B3GAT2: variants seen among roughly 807,000 people sequenced by gnomAD.
B3GAT2 encodes the protein beta-1,3-glucuronyltransferase 2.
A neutral mutation model predicts 27.8 loss-of-function variants in B3GAT2; 26 were observed. That is an observed-to-expected ratio of 0.93 (90% CI 0.68 to 1.30). The LOEUF (loss-of-function observed/expected upper bound fraction) is 1.30. Ranked by LOEUF, B3GAT2 falls within the 50% of genes most tolerant of loss-of-function variation. The pLI, the probability that B3GAT2 is intolerant of heterozygous loss-of-function variation, is 0.00. For missense variants in B3GAT2, 458 were observed against 459.0 expected, an observed-to-expected ratio of 1.00 and a Z score of 0.02; for synonymous variants, 218 against 195.1, an observed-to-expected ratio of 1.12 and a Z score of -0.98.
chr6:70,871,724 T>G (rs1257816187), intron 2 of B3GAT2, among the ~76,000 whole-genome samples: 1 of 151,788 alleles, frequency 6.6e-6, no homozygotes, highest in Admixed American at 6.6e-5. Flanking sequence ...TTCTCTAATC[T>G]AATAACTTCC....
At chr6:70,913,422 A>G (rs1174492971) in intron 1 of B3GAT2, among the ~76,000 whole-genome samples, 1 of 152,148 alleles carries the variant, frequency 6.6e-6, no homozygotes, top group Admixed American at 6.6e-5. Flanking sequence ...CAATAGTTTC[A>G]AAAAATGTCT....
chr6:70,877,217 C>G (rs947478537), intron 2 of B3GAT2, among the ~76,000 whole-genome samples: 1 of 152,140 alleles, frequency 6.6e-6, no homozygotes, highest in Non-Finnish European at 1.5e-5. Context: ...ATGGGCCCCA[C>G]CGGGGGTGTT....
intron 1 of B3GAT2, among the ~76,000 whole-genome samples, chr6:70,939,098 T>C (rs999041426): frequency 9.9e-5 from 15 of 151,956 alleles, no homozygotes; most frequent in Non-Finnish European, 2.1e-4. Context: ...AGGACATGAA[T>C]AGACACTTCT....
At position 70,856,813 on chromosome 6, in the gene B3GAT2, G is replaced by T; in HGVS notation, c.*4850C>A. The T allele has an allele frequency of 1.3e-6, 2 of 1,523,798 alleles. No individual in the cohort carries two copies. Among genetic ancestry groups the T allele is most frequent in the Non-Finnish European group, 1.8e-6 (2 of 1,131,520 alleles). 94.4% of individuals were successfully genotyped at this position (1,523,798 alleles called of 1,614,324 possible). ...GGATTTTAAGTAATGGATAAGCTGCGCTTTACTATGCAGAATTTGATAGCT... is the reference window on the plus strand; with the variant it reads ...GGATTTTAAGTAATGGATAAGCTGCTCTTTACTATGCAGAATTTGATAGCT... On this transcript the variant is annotated 3_prime_UTR_variant, in exon 4 of 4. Coordinates refer to ENST00000230053, the MANE Select transcript of B3GAT2 (RefSeq NM_080742.3).
intron 2 of B3GAT2, among the ~76,000 whole-genome samples, chr6:70,889,007 T>C (rs1772238764): frequency 6.6e-6 from 1 of 152,210 alleles, no homozygotes. Flanking sequence ...CTCTGCTAGA[T>C]ACAAAACTCC....
chr6:70,886,432 G>A (rs1442591110), intron 2 of B3GAT2, among the ~76,000 whole-genome samples: 4 of 152,118 alleles, frequency 2.6e-5, no homozygotes, highest in Non-Finnish European at 5.9e-5. Context: ...CTGATAGAAA[G>A]GAAAACTTCA....
intron 1 of B3GAT2, among the ~76,000 whole-genome samples, chr6:70,899,910 A>G (rs2150034202): frequency 6.6e-6 from 1 of 152,366 alleles, no homozygotes; most frequent in Admixed American, 6.5e-5. Context: ...TCAGTATTTA[A>G]AAGCTTTGCT....
intron 1 of B3GAT2, among the ~76,000 whole-genome samples, chr6:70,928,996 A>G (rs1032676664): frequency 6.6e-6 from 1 of 152,204 alleles, no homozygotes; most frequent in Non-Finnish European, 1.5e-5. Context: ...TTAAGAAAAC[A>G]TGGCACATAT....
chr6:70,946,847 C>A (rs1206391931), intron 1 of B3GAT2, among the ~76,000 whole-genome samples: 1 of 150,780 alleles, frequency 6.6e-6, no homozygotes, highest in African/African-American at 2.4e-5. Context: ...CTCTCCTCAG[C>A]AAATGCAAAA....
intron 2 of B3GAT2, among the ~76,000 whole-genome samples, chr6:70,881,597 A>T (rs1772099674): frequency 6.6e-6 from 1 of 152,196 alleles, no homozygotes. Flanking sequence ...GGGCTGTGAT[A>T]GAGCCTTTCC....
At chr6:70,930,566 C>G (rs1021633745) in intron 1 of B3GAT2, among the ~76,000 whole-genome samples, 2 of 151,786 alleles carry the variant, frequency 1.3e-5, no homozygotes, top group Non-Finnish European at 2.9e-5. Context: ...AGACATGCAG[C>G]CAACAGACAC....
intron 1 of B3GAT2, among the ~76,000 whole-genome samples, chr6:70,938,656 G>A (rs1366995607): frequency 1.3e-5 from 2 of 152,048 alleles, no homozygotes; most frequent in East Asian, 1.9e-4. Flanking sequence ...AATGGGGAAA[G>A]GATTCCCTAT....
intron 1 of B3GAT2, among the ~76,000 whole-genome samples, chr6:70,949,016 G>T (rs562274143): frequency 1.8e-4 from 28 of 152,264 alleles, no homozygotes; most frequent in Non-Finnish European, 3.7e-4. Flanking sequence ...TATGTAGAAA[G>T]CTGAAACTGG....
At chr6:70,909,863 C>A (rs923692497) in intron 1 of B3GAT2, among the ~76,000 whole-genome samples, 3 of 152,042 alleles carry the variant, frequency 2.0e-5, no homozygotes, top group African/African-American at 7.2e-5. Flanking sequence ...TCTTCCTCCT[C>A]TTTGTTTTTT....
intron 2 of B3GAT2, among the ~76,000 whole-genome samples, chr6:70,866,043 G>C (rs943794964): frequency 7.9e-5 from 12 of 152,208 alleles, no homozygotes; most frequent in African/African-American, 2.9e-4. Context: ...GAAGAACTCT[G>C]CTGATCTGTA....
At chr6:70,949,447 G>T (rs1465069056) in intron 1 of B3GAT2, among the ~76,000 whole-genome samples, 3 of 151,892 alleles carry the variant, frequency 2.0e-5, no homozygotes, top group African/African-American at 7.3e-5. Flanking sequence ...AAAGACACAT[G>T]AAAAAATGCT....
At chr6:70,862,332 AC>A (rs1771769967) in intron 2 of B3GAT2, among the ~76,000 whole-genome samples, 1 of 152,140 alleles carries the variant, frequency 6.6e-6, no homozygotes, top group Admixed American at 6.5e-5. Context: ...CAGCTGAAAA[AC>A]ATACATGCTT....
rs1269640548 is a variant in B3GAT2, at chr6:70,858,641, T to C, written c.*3022A>G. 6.4e-6 allele frequency: 1 copy of C among 155,902 alleles called. No homozygotes were observed. Among genetic ancestry groups the C allele is most frequent in the Non-Finnish European group, 1.4e-5 (1 of 70,708 alleles). The allele number at this position is 155,902 out of a possible 1,614,324, so 9.7% of individuals were successfully genotyped here. A position where few individuals can be genotyped will look rare whatever the true frequency, so the allele number is the denominator to read the frequency against. ...GACAACTTAGCTTCACTAATAATTT[T>C]AGGATCTTTTATTAGAAAATAAAAA... On this transcript the variant is annotated 3_prime_UTR_variant, in exon 4 of 4. Transcript: ENST00000230053.
intron 1 of B3GAT2, among the ~76,000 whole-genome samples, chr6:70,942,652 G>A (rs532050546): frequency 6.6e-6 from 1 of 152,310 alleles, no homozygotes; most frequent in South Asian, 2.1e-4. Context: ...GGAGGGCTGA[G>A]ATGCTCTCTG....
Sources: allele counts gnomAD v4.1 joint callset (sites outside exome capture counted in the v4.1 genomes callset), GRCh38; gene constraint gnomAD v4.1.1; transcripts MANE v1.5; gene names NCBI Gene and HGNC (gene_info 2026-07-23, HGNC 2026-07-21).